The following SLC25A21 variants were observed in gnomAD, a reference collection of about 807,000 sequenced individuals.
SLC25A21 encodes mitochondrial 2-oxodicarboxylate carrier.
Under a neutral mutation model 43.8 loss-of-function variants are expected in SLC25A21, and 47 were observed. That is an observed-to-expected ratio of 1.07 (90% CI 0.85 to 1.37). SLC25A21 has a LOEUF of 1.37. SLC25A21 is among the 40% of genes most tolerant of loss of function. The probability of loss-of-function intolerance (pLI) is 0.00; values close to 1 mark genes in which losing one functional copy is unlikely to be tolerated. For synonymous variants in SLC25A21, 131 were observed against 121.3 expected (o/e 1.08, Z -0.52); for missense variants, 352 against 350.2 (o/e 1.00, Z -0.04).
intron 1 of SLC25A21, among the ~76,000 whole-genome samples, chr14:37,133,671 A>T (rs536051257): frequency 6.6e-6 from 1 of 151,096 alleles, no homozygotes; most frequent in East Asian, 2.0e-4. Flanking sequence ...CACCTCTATA[A>T]CTCCATTACT....
At chr14:36,905,626 T>C (rs1046244377) in intron 1 of SLC25A21, among the ~76,000 whole-genome samples, 6 of 152,212 alleles carry the variant, frequency 3.9e-5, no homozygotes, top group Non-Finnish European at 8.8e-5. Context: ...AAGGGATTTT[T>C]TTTTTTGTCT....
At chr14:37,052,641 C>G (rs1961733158) in intron 1 of SLC25A21, among the ~76,000 whole-genome samples, 1 of 116,090 alleles carries the variant, frequency 8.6e-6, no homozygotes, top group Admixed American at 7.6e-5. Flanking sequence ...TCAACATAAA[C>G]TTTTTTTTTC....
At chr14:36,690,349 C>T (rs1400456240) in intron 7 of SLC25A21, among the ~76,000 whole-genome samples, 2 of 152,194 alleles carry the variant, frequency 1.3e-5, no homozygotes, top group East Asian at 3.9e-4. Flanking sequence ...TATGATATAA[C>T]AAACCCTATG....
chr14:36,919,688 C>T (rs1479871906), intron 1 of SLC25A21, among the ~76,000 whole-genome samples: 1 of 150,904 alleles, frequency 6.6e-6, no homozygotes, highest in African/African-American at 2.5e-5. Context: ...TACCCAAAGA[C>T]CTGAAATAGC....
At chr14:36,848,007 G>A (rs2839905) in intron 2 of SLC25A21, among the ~76,000 whole-genome samples, 2 of 152,220 alleles carry the variant, frequency 1.3e-5, no homozygotes, top group African/African-American at 4.8e-5. Context: ...GTGGGGATGA[G>A]AAGGCAGATT....
chr14:37,117,805 A>T (rs1248339204), intron 1 of SLC25A21, among the ~76,000 whole-genome samples: 1 of 152,148 alleles, frequency 6.6e-6, no homozygotes, highest in Admixed American at 6.5e-5. Flanking sequence ...AAAATACAGG[A>T]TCACAAAGCA....
intron 7 of SLC25A21, among the ~76,000 whole-genome samples, chr14:36,706,815 C>T (rs533213738): frequency 6.6e-6 from 1 of 152,298 alleles, no homozygotes; most frequent in South Asian, 2.1e-4. Flanking sequence ...CAAGACCCCA[C>T]CACTTTGTAT....
chr14:36,942,138 TAA>T (rs1892576068), intron 1 of SLC25A21, among the ~76,000 whole-genome samples: 1 of 152,070 alleles, frequency 6.6e-6, no homozygotes, highest in Admixed American at 6.6e-5. Flanking sequence ...ACACCGAGCT[TAA>T]GAGTTTGAAC....
chr14:36,850,447 A>G (rs543560337), intron 2 of SLC25A21, among the ~76,000 whole-genome samples: 1 of 152,088 alleles, frequency 6.6e-6, no homozygotes, highest in Non-Finnish European at 1.5e-5. Context: ...TTTTATACAC[A>G]CTAGCTTGCC....
chr14:37,011,812 T>C (rs1413552856), intron 1 of SLC25A21, among the ~76,000 whole-genome samples: 1 of 152,242 alleles, frequency 6.6e-6, no homozygotes, highest in Admixed American at 6.5e-5. Flanking sequence ...TGATAAGCAA[T>C]TTTTACATTG....
At chr14:36,908,933 G>T (rs1438785394) in intron 1 of SLC25A21, among the ~76,000 whole-genome samples, 2 of 152,200 alleles carry the variant, frequency 1.3e-5, no homozygotes, top group Admixed American at 6.5e-5. Flanking sequence ...TCAGTGAAAA[G>T]AATGGTATAG....
intron 1 of SLC25A21, among the ~76,000 whole-genome samples, chr14:36,924,304 A>C (rs1455904208): frequency 1.3e-5 from 2 of 152,210 alleles, no homozygotes; most frequent in Non-Finnish European, 2.9e-5. Flanking sequence ...AGACTGGATT[A>C]AGAAAATGTG....
At chr14:37,162,639 C>A (rs1486023886) in intron 1 of SLC25A21, among the ~76,000 whole-genome samples, 1 of 152,136 alleles carries the variant, frequency 6.6e-6, no homozygotes, top group Non-Finnish European at 1.5e-5. Flanking sequence ...AGTCAGGAAA[C>A]AACAGGTGCT....
At chr14:36,765,182 T>C (rs1430337043) in intron 3 of SLC25A21, among the ~76,000 whole-genome samples, 1 of 152,204 alleles carries the variant, frequency 6.6e-6, no homozygotes, top group Non-Finnish European at 1.5e-5. Context: ...GTCTGACTAA[T>C]CTGAGGCTGC....
At chr14:36,951,840 A>T (rs17105756) in intron 1 of SLC25A21, among the ~76,000 whole-genome samples, 9,302 of 152,182 alleles carry the variant, frequency 0.061, 420 homozygotes, top group East Asian at 0.22. Context: ...CGCTGGTTAC[A>T]TATACTACAA....
chr14:36,687,399 G>A (rs1407322868), intron 7 of SLC25A21, among the ~76,000 whole-genome samples: 1 of 152,094 alleles, frequency 6.6e-6, no homozygotes, highest in African/African-American at 2.4e-5. Context: ...GTGAGAAGAA[G>A]GTGCCTGCAA....
At chr14:36,828,308 G>A (rs1168883292) in intron 2 of SLC25A21, 1 of 152,236 alleles carries the variant, frequency 6.6e-6, no homozygotes, top group Admixed American at 6.5e-5. Flanking sequence ...GATAGCTCAT[G>A]TGACTAGCTC....
intron 7 of SLC25A21, among the ~76,000 whole-genome samples, chr14:36,686,156 G>A (rs1352213164): frequency 6.6e-6 from 1 of 152,158 alleles, no homozygotes; most frequent in African/African-American, 2.4e-5. Flanking sequence ...ACTGAACCAA[G>A]AGCCAGTTAC....
intron 2 of SLC25A21, among the ~76,000 whole-genome samples, chr14:36,831,067 T>C (rs185795315): frequency 4.2e-4 from 64 of 152,336 alleles, no homozygotes; most frequent in Admixed American, 2.6e-3. Flanking sequence ...TCCTAAACAA[T>C]GACTACATAC....
Sources: gnomAD v4.1 joint callset for allele counts (sites outside exome capture counted in the v4.1 genomes callset) on GRCh38, gnomAD v4.1.1 for gene constraint, MANE v1.5 for transcripts, NCBI Gene and HGNC (gene_info 2026-07-23, HGNC 2026-07-21) for gene names.